Variants in MYH15 observed in about 807,000 individuals in gnomAD.
MYH15 encodes the protein myosin-15.
In MYH15, 227 loss-of-function variants were observed where a neutral mutation model predicts 240.5. The ratio of observed to expected loss-of-function variants is 0.94; its 90% CI spans 0.85 to 1.05. The LOEUF is 1.05. Among genes scored for constraint, MYH15 ranks in the 50% least tolerant of loss-of-function variants. The probability of loss-of-function intolerance (pLI) is 0.00; values close to 1 mark genes in which losing one functional copy is unlikely to be tolerated. For synonymous variants in MYH15, 785 were observed against 796.7 expected (o/e 0.99, Z 0.25); for missense variants, 2,217 against 2,247.5 (o/e 0.99, Z 0.27).
At position 108,383,652 on chromosome 3, in the gene MYH15, C is replaced by A. The variant is rs559813965; in HGVS notation, c.5709G>T (p.Glu1903Asp). 18 of 1,612,976 alleles carry A rather than the reference C, an allele frequency of 1.1e-5. 1 individual carries two copies. In the East Asian group the frequency reaches 3.8e-4, roughly 34 times the overall value. The change falls in exon 40 of 41, where the codon GAG (glutamate) becomes GAT (aspartate). Residue 1903 changes from glutamate (E) to aspartate (D), a missense_variant. By Grantham distance (45) the Glu-to-Asp change is conservative (BLOSUM62 2). Coordinates refer to ENST00000693548, the MANE Select transcript of MYH15 (RefSeq NM_014981.3). ...GTTTATTGACTTGAGATTCTGCCAC[C>A]TCTGCCCTTTCCTTCACTTCATTCA... The part of the protein sequence containing the change: ...HELNEVKERA[E>D]VAESQVNKLK...
intron 31 of MYH15, among the ~76,000 whole-genome samples, chr3:108,409,875 A>G (rs1259667022): frequency 6.6e-6 from 1 of 152,258 alleles, no homozygotes; most frequent in Admixed American, 6.5e-5. Flanking sequence ...TAAAATGAAT[A>G]AAGTCTAGTT....
chr3:108,421,437 G>A lies in MYH15; in HGVS notation c.3703-223C>T, dbSNP rs745473746. 1.8e-4 allele frequency among the ~76,000 whole-genome samples: 27 copies of A among 152,314 alleles called. 1 individual carries two copies. Among genetic ancestry groups the A allele is most frequent in the Admixed American group, 1.5e-3 (23 of 15,306 alleles). On this transcript the variant is annotated intron_variant, in intron 27 of 40. Transcript: ENST00000693548. ...AAACTTTGCAGAGTATAGGTGTCAC[G>A]GGAGACACCCAACTTCCTGGGTATT...
At chr3:108,551,055 G>A in the MYH15 span, 6 of 562,088 alleles carry the variant, frequency 1.1e-5, no homozygotes, top group South Asian at 4.3e-5. Context: ...TTATTGTTAC[G>A]AAGTCACAAA....
Position 108,409,922 on chromosome 3 carries a change from C to T in MYH15, c.4495+661G>A, listed in dbSNP as rs533737396. ...ATCTTTATTACAAAACACTATGTAG[C>T]TATTAAAAAGCTTATGGTAGGTCTC... On this transcript the variant is annotated intron_variant, in intron 31 of 40. Coordinates refer to ENST00000693548, the MANE Select transcript of MYH15 (RefSeq NM_014981.3). Among the ~76,000 whole-genome samples the T allele has an allele frequency of 1.3e-3, 202 of 152,224 alleles. 1 individual carries two copies. The highest frequency in any genetic ancestry group is 3.4e-3 in the Middle Eastern group (1 of 294).
At chr3:108,446,324 G>T (rs1189590144) in intron 21 of MYH15, among the ~76,000 whole-genome samples, 5 of 152,110 alleles carry the variant, frequency 3.3e-5, no homozygotes, top group African/African-American at 1.2e-4. Context: ...ATGGACCCAG[G>T]AACTGGGCCT....
At chr3:108,500,925 G>C (rs1354234858) in intron 3 of MYH15, among the ~76,000 whole-genome samples, 1 of 152,170 alleles carries the variant, frequency 6.6e-6, no homozygotes, top group Non-Finnish European at 1.5e-5. Context: ...AGGAATGCTA[G>C]AGCCGCTAGA....
At chr3:108,510,597 A>AG, upstream of MYH15, 1 of 1,597,440 alleles carries the variant, frequency 6.3e-7, no homozygotes, top group South Asian at 1.1e-5. Context: ...CCTGAAAAAA[A>AG]AAAATTGATA....
intron 11 of MYH15, among the ~76,000 whole-genome samples, chr3:108,484,153 G>A (rs2083288204): frequency 6.6e-6 from 1 of 151,962 alleles, no homozygotes; most frequent in Non-Finnish European, 1.5e-5. Flanking sequence ...TGAATGAATG[G>A]GTTTTCTCTT....
intron 40 of MYH15, among the ~76,000 whole-genome samples, chr3:108,383,175 C>T (rs2082355851): frequency 6.6e-6 from 1 of 152,180 alleles, no homozygotes; most frequent in Admixed American, 6.5e-5. Flanking sequence ...AACATCTTCC[C>T]TCTTGGACTC....
intron 16 of MYH15, chr3:108,461,719 T>A (rs2083073279): frequency 6.6e-6 from 1 of 152,164 alleles, no homozygotes; most frequent in Non-Finnish European, 1.5e-5. Context: ...TGCCTGAAGA[T>A]TAGCCGGGTC....
chr3:108,421,125 G>T lies in MYH15; in HGVS notation c.3792C>A (p.Asp1264Glu). The change falls in exon 28 of 41, where the codon GAC becomes GAA. Residue 1264 changes from aspartate to glutamate, a missense_variant. Transcript: ENST00000693548. ...KLDKVTQLAN[D>E]LAAQKTKLWS... ...ACAGCTTTGTCTTTTGTGCTGCCAG[G>T]TCATTTGCCAACTGAGTCACCTTAT... is the stretch of plus-strand genomic sequence containing the variant. The T allele has an allele frequency of 1.2e-6, 2 of 1,614,144 alleles. No individual in the cohort carries two copies. The highest frequency in any genetic ancestry group is 2.2e-5 in the East Asian group (1 of 44,882).
chr3:108,501,757 G>A lies in MYH15; in HGVS notation c.294C>T (p.Ser98=), dbSNP rs749184847. Residue 98 remains serine (S), a synonymous_variant, in exon 3 of 41, where the codon TCC becomes TCT. Coordinates refer to ENST00000693548, the MANE Select transcript of MYH15 (RefSeq NM_014981.3). ...AGCGCCGCTTCAGGGTATGCAGCAC[G>A]GATGCCTCATTGAGGTGAGTCAGCA... ...MAMLTHLNEA[S]VLHTLKRRYG... The A allele has an allele frequency of 3.8e-5, 62 of 1,613,962 alleles. 1 individual carries two copies. The East Asian group carries it at 8.9e-4, about 23-fold the overall frequency.
At chr3:108,421,356 C>T in intron 27 of MYH15, 142 bp from the exon 28 acceptor site, 2 of 998,860 alleles carry the variant, frequency 2.0e-6, no homozygotes, top group Admixed American at 2.7e-5. Flanking sequence ...TGGGAGATCA[C>T]ATCTTCTGAT....
chr3:108,463,286 C>T (rs747817004), intron 15 of MYH15, 43 bp from the exon 16 acceptor site: 16 of 1,563,728 alleles, frequency 1.0e-5, no homozygotes, highest in Non-Finnish European at 1.4e-5. Context: ...AGAAAAAAAA[C>T]TGCATAAGTT....
chr3:108,517,512 T>TA (rs2107262783), intron 1 of MYH15, among the ~76,000 whole-genome samples: 1 of 152,238 alleles, frequency 6.6e-6, no homozygotes, highest in African/African-American at 2.4e-5. Flanking sequence ...TTTGTATTTT[T>TA]AGTAGGAATG....
intron 11 of MYH15, among the ~76,000 whole-genome samples, chr3:108,484,269 T>TTCATTGTAAGATGCC (rs1392107516): frequency 9.2e-5 from 14 of 152,174 alleles, no homozygotes; most frequent in Admixed American, 2.6e-4. Flanking sequence ...AGACAGATCA[T>TTCATTGTAAGATGCC]TCATTGTAAG....
At chr3:108,469,110 T>G (rs1394108290) in intron 14 of MYH15, among the ~76,000 whole-genome samples, 3 of 152,218 alleles carry the variant, frequency 2.0e-5, no homozygotes, top group African/African-American at 7.2e-5. Flanking sequence ...AAATAATAGT[T>G]ATTTTCAAGA....
At chr3:108,417,169 G>T (rs1232018842) in intron 28 of MYH15, among the ~76,000 whole-genome samples, 1 of 152,116 alleles carries the variant, frequency 6.6e-6, no homozygotes, top group Non-Finnish European at 1.5e-5. Context: ...GATAACAGAT[G>T]ATATTAGTTA....
intron 12 of MYH15, among the ~76,000 whole-genome samples, chr3:108,471,273 C>T (rs2083174315): frequency 6.6e-6 from 1 of 152,036 alleles, no homozygotes; most frequent in South Asian, 2.1e-4. Context: ...TGATGTGTCC[C>T]AAAGCCTTGC....
Sources: gnomAD v4.1 joint callset for allele counts (sites outside exome capture counted in the v4.1 genomes callset) on GRCh38, gnomAD v4.1.1 for gene constraint, MANE v1.5 for transcripts, NCBI Gene and HGNC (gene_info 2026-07-23, HGNC 2026-07-21) for gene names.